FARS2: variants seen among roughly 807,000 people sequenced by gnomAD.
FARS2 encodes the protein phenylalanine--tRNA ligase, mitochondrial.
FARS2 carries 40 observed loss-of-function variants against 46.4 expected under a neutral mutation model. The observed-to-expected ratio is 0.86, with a 90% CI of 0.67 to 1.12. The LOEUF is 1.12. FARS2 is among the 50% of genes most tolerant of loss of function. The pLI is 0.00. For synonymous variants in FARS2, 234 were observed against 214.9 expected (o/e 1.09, Z -0.78); for missense variants, 513 against 567.9 (o/e 0.90, Z 0.98).
chr6:5,686,346 C>G (rs1050026844), intron 6 of FARS2, among the ~76,000 whole-genome samples: 4 of 148,642 alleles, frequency 2.7e-5, no homozygotes, highest in Admixed American at 2.0e-4. Context: ...ATGCTCTCCC[C>G]CCCCGCTGCC....
At chr6:5,482,111 T>C (rs985068560) in intron 4 of FARS2, among the ~76,000 whole-genome samples, 5 of 150,614 alleles carry the variant, frequency 3.3e-5, no homozygotes, top group African/African-American at 1.2e-4. Flanking sequence ...GTAATATCTA[T>C]CTCATAGGAT....
intron 6 of FARS2, among the ~76,000 whole-genome samples, chr6:5,626,790 C>T (rs1300987145): frequency 2.0e-5 from 3 of 152,154 alleles, no homozygotes; most frequent in African/African-American, 4.8e-5. Flanking sequence ...CACTTAACGA[C>T]GGGGATACAT....
intron 6 of FARS2, among the ~76,000 whole-genome samples, chr6:5,728,124 C>T (rs1472259951): frequency 6.6e-6 from 1 of 152,202 alleles, no homozygotes; most frequent in Non-Finnish European, 1.5e-5. Flanking sequence ...TCAACAGTGT[C>T]TGCCTCCTTT....
At chr6:5,315,738 T>TTTCTTTCTTTCTTTCTTTCTTCC in intron 1 of FARS2, among the ~76,000 whole-genome samples, 2 of 125,254 alleles carry the variant, frequency 1.6e-5, no homozygotes, top group African/African-American at 3.2e-5. Flanking sequence ...TTCTTTCTTT[T>TTTCTTTCTTTCTTTCTTTCTTCC]TTCCTTTCTT....
chr6:5,543,364 G>T (rs960422981), intron 4 of FARS2, among the ~76,000 whole-genome samples: 2 of 134,064 alleles, frequency 1.5e-5, no homozygotes, highest in Non-Finnish European at 1.6e-5. Context: ...AGGGTTTTCT[G>T]TTGTTGGTGG....
At chr6:5,539,281 A>G (rs997905455) in intron 4 of FARS2, among the ~76,000 whole-genome samples, 1 of 148,944 alleles carries the variant, frequency 6.7e-6, no homozygotes, top group African/African-American at 2.5e-5. Context: ...ATCTCGGCTC[A>G]CTGCAAGCTC....
upstream of FARS2, among the ~76,000 whole-genome samples, chr6:5,259,194 T>TA (rs1358352833): frequency 2.0e-5 from 3 of 152,250 alleles, no homozygotes; most frequent in African/African-American, 7.2e-5. Context: ...AGTCCTTGTG[T>TA]ATCCTGAGTA....
rs909853356 is a variant in FARS2 at position 5,321,843 on chromosome 6, G to A, written c.-21-46707G>A. 6.6e-5 allele frequency among the ~76,000 whole-genome samples: 10 copies of A among 152,288 alleles called. No individual in the cohort carries two copies. The Middle Eastern group carries it at 0.01, about 155-fold the overall frequency. ...GCCGTTTCCCGGAATCTTTAGTAAA[G>A]ATTAACTAGATACTTGATCACCTGC... On this transcript the variant is annotated intron_variant, in intron 1 of 6. Transcript: ENST00000274680.
intron 1 of FARS2, among the ~76,000 whole-genome samples, chr6:5,365,506 T>TG (rs1758611297): frequency 9.5e-6 from 1 of 104,744 alleles, no homozygotes; most frequent in South Asian, 3.4e-4. Flanking sequence ...ATTTATTAAA[T>TG]AAAATTTTTT....
chr6:5,356,011 T>TGA (rs1276523010), intron 1 of FARS2, among the ~76,000 whole-genome samples: 1 of 152,214 alleles, frequency 6.6e-6, no homozygotes, highest in African/African-American at 2.4e-5. Flanking sequence ...ACTTGCCCGA[T>TGA]GCGCATGTTC....
intron 5 of FARS2, among the ~76,000 whole-genome samples, chr6:5,556,165 G>T (rs115409368): frequency 3.9e-5 from 6 of 151,964 alleles, no homozygotes; most frequent in African/African-American, 7.3e-5. Flanking sequence ...CTTAGAGCTC[G>T]CTTCCTTTAG....
At chr6:5,643,455 A>G (rs1366508192) in intron 6 of FARS2, among the ~76,000 whole-genome samples, 1 of 152,230 alleles carries the variant, frequency 6.6e-6, no homozygotes, top group African/African-American at 2.4e-5. Context: ...GAGATACTGA[A>G]TAAGCATGGA....
intron 1 of FARS2, among the ~76,000 whole-genome samples, chr6:5,298,588 A>C (rs1768062001): frequency 6.6e-6 from 1 of 152,204 alleles, no homozygotes; most frequent in African/African-American, 2.4e-5. Context: ...GCTTAGAAAA[A>C]CAATGATGCT....
intron 6 of FARS2, among the ~76,000 whole-genome samples, chr6:5,685,807 C>A (rs893991253): frequency 6.6e-6 from 1 of 152,182 alleles, no homozygotes; most frequent in South Asian, 2.1e-4. Flanking sequence ...CATATTGGGC[C>A]CCTTCCTATT....
intron 5 of FARS2, among the ~76,000 whole-genome samples, chr6:5,558,060 A>G (rs62387184): frequency 0.012 from 1,758 of 152,088 alleles, 24 homozygotes; most frequent in South Asian, 0.043. Flanking sequence ...CAAATGGAAA[A>G]GTCAAGGTTC....
Position 5,545,276 on chromosome 6 carries a change from G to A in FARS2, c.1001G>A (p.Cys334Tyr), listed in dbSNP as rs745888157. ...YDIPDIRLFWCEDERFLKQFC... is the reference protein window; with the variant it reads ...YDIPDIRLFWYEDERFLKQFC... ...ATCCCTGATATCCGTCTCTTCTGGT[G>A]TGAGGACGAGCGCTTCCTGAAGCAG... The change falls in exon 5 of 7, where the codon TGT becomes TAT. Residue 334 changes from cysteine to tyrosine, a missense_variant. Coordinates refer to ENST00000274680, the MANE Select transcript of FARS2 (RefSeq NM_006567.5). 3.0e-5 allele frequency: 48 copies of A among 1,614,012 alleles called. No individual in the cohort carries two copies. In the Admixed American group the frequency reaches 7.8e-4, roughly 26 times the overall value.
At chr6:5,607,583 CA>C (rs1429630216) in intron 5 of FARS2, among the ~76,000 whole-genome samples, 14 of 152,060 alleles carry the variant, frequency 9.2e-5, no homozygotes, top group Non-Finnish European at 1.9e-4. Context: ...TCCACCATCT[CA>C]AGCAGGAAGG....
intron 4 of FARS2, among the ~76,000 whole-genome samples, chr6:5,508,916 A>G (rs1768266446): frequency 6.6e-6 from 1 of 152,266 alleles, no homozygotes; most frequent in Non-Finnish European, 1.5e-5. Context: ...AGTGACAAAT[A>G]TAAAGGAAGG....
At chr6:5,284,844 G>A (rs767274169) in intron 1 of FARS2, among the ~76,000 whole-genome samples, 11 of 152,202 alleles carry the variant, frequency 7.2e-5, no homozygotes, top group African/African-American at 2.4e-5. Flanking sequence ...GCCTCCCTCC[G>A]TGGCCTTTCG....
Sources: gnomAD v4.1 joint callset for allele counts (sites outside exome capture counted in the v4.1 genomes callset) on GRCh38, gnomAD v4.1.1 for gene constraint, MANE v1.5 for transcripts, NCBI Gene and HGNC (gene_info 2026-07-23, HGNC 2026-07-21) for gene names.